LAMC1: variants seen among roughly 807,000 people sequenced by gnomAD.
LAMC1 encodes the protein laminin subunit gamma 1, also known as laminin subunit gamma-1.
LAMC1 carries 38 observed loss-of-function variants against 173.6 expected under a neutral mutation model. The observed-to-expected ratio is 0.22, with a 90% confidence interval of 0.17 to 0.29. The LOEUF is 0.29. Among genes scored for constraint, LAMC1 ranks in the 10% least tolerant of loss-of-function variants. The probability of loss-of-function intolerance (pLI) is 1.00; values close to 1 mark genes in which losing one functional copy is unlikely to be tolerated. For synonymous variants in LAMC1, 746 were observed against 749.1 expected (o/e 1.00, Z 0.07); for missense variants, 1,824 against 2,051.8 (o/e 0.89, Z 2.14).
Position 183,126,142 on chromosome 1 carries a change from T to C in LAMC1, c.2824T>C (p.Ser942Pro). ...CAGGTGTGACTGCCATGCCTTGGGC[T>C]CCACCAATGGGCAGTGTGACATCCG... ...CERCDCHALG[S>P]TNGQCDIRTG... The change falls in exon 16 of 28, where the codon TCC becomes CCC. Residue 942 changes from serine to proline, a missense_variant. By Grantham distance (74) the Ser-to-Pro change is moderately conservative (BLOSUM62 -1). Coordinates refer to ENST00000258341, the MANE Select transcript of LAMC1 (RefSeq NM_002293.4). The C allele has an allele frequency of 6.2e-7, 1 of 1,614,136 alleles. No individual in the cohort carries two copies. Among genetic ancestry groups the C allele is most frequent in the Non-Finnish European group, 8.5e-7 (1 of 1,180,014 alleles).
chr1:183,115,941 C>G (rs986875660), intron 6 of LAMC1, among the ~76,000 whole-genome samples: 29 of 151,982 alleles, frequency 1.9e-4, no homozygotes, highest in African/African-American at 6.8e-4. Flanking sequence ...GAGATCAAGA[C>G]CATGGTGAAA....
At chr1:183,106,362 G>A (rs990785635) in intron 2 of LAMC1, among the ~76,000 whole-genome samples, 3 of 152,226 alleles carry the variant, frequency 2.0e-5, no homozygotes, top group Non-Finnish European at 4.4e-5. Context: ...AGTAGGAGTT[G>A]TTATTGGAGT....
At chr1:183,099,911 G>A (rs1270320731) in intron 1 of LAMC1, among the ~76,000 whole-genome samples, 2 of 151,996 alleles carry the variant, frequency 1.3e-5, no homozygotes, top group South Asian at 2.1e-4. Context: ...CTGCCCCTGC[G>A]CCTGCCTCCA....
intron 1 of LAMC1, among the ~76,000 whole-genome samples, chr1:183,079,066 GGAGA>G (rs1307084394): frequency 6.6e-6 from 1 of 151,810 alleles, no homozygotes; most frequent in African/African-American, 2.4e-5. Context: ...CTGCTCTCTG[GGAGA>G]GAGAGTGCTC....
chr1:183,072,919 G>T (rs963766481), intron 1 of LAMC1, among the ~76,000 whole-genome samples: 2 of 152,226 alleles, frequency 1.3e-5, no homozygotes, highest in African/African-American at 2.4e-5. Context: ...CCGTCTAGTT[G>T]CAGGAAAACA....
chr1:183,121,457 A>T (rs551212351), intron 11 of LAMC1, among the ~76,000 whole-genome samples: 16 of 152,190 alleles, frequency 1.1e-4, no homozygotes, highest in Middle Eastern at 3.4e-3. Flanking sequence ...ACAAACAAAT[A>T]AATTAATAAA....
chr1:183,134,333 G>A (rs952049181), intron 22 of LAMC1, among the ~76,000 whole-genome samples: 2 of 152,166 alleles, frequency 1.3e-5, no homozygotes, highest in African/African-American at 4.8e-5. Flanking sequence ...TCAGAACAAT[G>A]GCAGGCACAG....
chr1:183,024,018 AC>A lies in LAMC1; in HGVS notation c.303del (p.His101GlnfsTer6). 6.2e-7 allele frequency: 1 copy of A among 1,613,068 alleles called. No individual in the cohort carries two copies. Among genetic ancestry groups the A allele is most frequent in the Non-Finnish European group, 8.5e-7 (1 of 1,179,876 alleles). On this transcript the variant is annotated frameshift_variant, in exon 1 of 28. Transcript: ENST00000258341. LOFTEE classifies it high-confidence loss of function. ...GACGCCGGGCAGCCCCACCTGCAGC[AC>A]GGGGCAGCCTTCCTGACCGACTACA... Reference protein sequence around the residue: ...LCDAGQPHLQHGAAFLTDYNN... With the variant: ...LCDAGQPHLQXGAAFLTDYNN...
Position 183,143,443 on chromosome 1 carries a change from T to C in LAMC1, c.*653T>C, listed in dbSNP as rs988796326. On this transcript the variant is annotated 3_prime_UTR_variant, in exon 28 of 28. Coordinates refer to ENST00000258341, the MANE Select transcript of LAMC1 (RefSeq NM_002293.4). ...ATTTATAAAAGTCTCCAGGTGAACA[T>C]GGCTGAAGATTTTTCTAGTATATTA... 1 of 152,606 alleles carries C rather than the reference T, an allele frequency of 6.6e-6. No individual in the cohort carries two copies. The highest frequency in any genetic ancestry group is 2.4e-5 in the African/African-American group (1 of 41,434). The allele number at this position is 152,606 out of a possible 1,614,324, so 9.5% of individuals were successfully genotyped here.
intron 3 of LAMC1, among the ~76,000 whole-genome samples, chr1:183,109,488 CAGG>C (rs1437134109): frequency 6.6e-6 from 1 of 152,082 alleles, no homozygotes; most frequent in African/African-American, 2.4e-5. Flanking sequence ...ATTTAGTGAT[CAGG>C]AGAATGGTTG....
At chr1:183,102,616 G>A (rs1655863891) in intron 1 of LAMC1, among the ~76,000 whole-genome samples, 2 of 152,214 alleles carry the variant, frequency 1.3e-5, no homozygotes, top group South Asian at 4.1e-4. Flanking sequence ...AGTGACTGCT[G>A]TCTTTTCCTC....
chr1:183,128,904 A>C, intron 18 of LAMC1, 154 bp downstream of exon 18: 1 of 498,712 alleles, frequency 2.0e-6, no homozygotes, highest in Non-Finnish European at 3.2e-6. Flanking sequence ...ACACTAATTC[A>C]AAAAGCAACC....
chr1:183,102,771 C>T (rs1190901155), intron 1 of LAMC1, among the ~76,000 whole-genome samples: 1 of 152,142 alleles, frequency 6.6e-6, no homozygotes, highest in African/African-American at 2.4e-5. Context: ...TATTCTACTC[C>T]CTGCTACATC....
intron 11 of LAMC1, among the ~76,000 whole-genome samples, chr1:183,120,167 C>CAAAAAAAAA (rs55642592): frequency 9.3e-5 from 6 of 64,736 alleles, no homozygotes; most frequent in East Asian, 5.4e-4. Context: ...GGATCTATCT[C>CAAAAAAAAA]AAAAAAAAAA....
At chr1:183,115,359 C>A (rs540944391) in intron 5 of LAMC1, among the ~76,000 whole-genome samples, 161 bp from the exon 6 acceptor site, 1 of 152,228 alleles carries the variant, frequency 6.6e-6, no homozygotes, top group African/African-American at 2.4e-5. Flanking sequence ...TGAGAAAGTT[C>A]TGATTTAAAA....
At chr1:183,085,217 C>CAAA (rs111855460) in intron 1 of LAMC1, among the ~76,000 whole-genome samples, 9 of 107,188 alleles carry the variant, frequency 8.4e-5, no homozygotes, top group African/African-American at 1.4e-4. Flanking sequence ...GACTCTGTCT[C>CAAA]AAAAAAAAAA....
At chr1:183,111,814 CA>C (rs1473815137) in intron 4 of LAMC1, among the ~76,000 whole-genome samples, 1 of 152,066 alleles carries the variant, frequency 6.6e-6, no homozygotes, top group African/African-American at 2.4e-5. Flanking sequence ...GGGGTTGGAT[CA>C]CCTGAGGTCA....
At chr1:183,113,050 C>T (rs1656208708) in intron 4 of LAMC1, among the ~76,000 whole-genome samples, 1 of 152,136 alleles carries the variant, frequency 6.6e-6, no homozygotes, top group Non-Finnish European at 1.5e-5. Context: ...GTGGCATGTG[C>T]CTGTACTCCC....
intron 1 of LAMC1, among the ~76,000 whole-genome samples, chr1:183,078,601 G>T (rs1309575628): frequency 6.6e-6 from 1 of 150,700 alleles, no homozygotes; most frequent in Non-Finnish European, 1.5e-5. Flanking sequence ...AAAAATAGAT[G>T]GAGTAATTTT....
Sources: gnomAD v4.1 joint callset for allele counts (sites outside exome capture counted in the v4.1 genomes callset) on GRCh38, gnomAD v4.1.1 for gene constraint, MANE v1.5 for transcripts, NCBI Gene and HGNC (gene_info 2026-07-23, HGNC 2026-07-21) for gene names.